Variants in CFAP61 observed in about 807,000 individuals in gnomAD.
CFAP61 encodes the protein cilia and flagella associated protein 61, also known as cilia- and flagella-associated protein 61.
In CFAP61, 107 loss-of-function variants were observed where a neutral mutation model predicts 135.6. That is an observed-to-expected ratio of 0.79 (90% CI 0.67 to 0.93). The LOEUF is 0.93. Among genes scored for constraint, CFAP61 ranks in the 40% least tolerant of loss-of-function variants. CFAP61 has a pLI of 0.00. For synonymous variants in CFAP61, 575 were observed against 578.5 expected (o/e 0.99, Z 0.09); for missense variants, 1,507 against 1,556.2 (o/e 0.97, Z 0.53).
chr20:20,099,579 G>T (rs11317332), intron 8 of CFAP61, among the ~76,000 whole-genome samples: 80 of 26,980 alleles, frequency 3.0e-3, no homozygotes, highest in African/African-American at 0.02. Context: ...CCTCCCACAC[G>T]GGGGGGGGGT....
rs1461125418 is a variant in CFAP61 at position 20,187,981 on chromosome 20, T to C, written c.1437T>C (p.Asn479=). Residue 479 remains asparagine (N), a synonymous_variant, in exon 14 of 27, where the codon AAT becomes AAC. Transcript: ENST00000245957. The part of the protein sequence containing the change: ...ATLLDTPGVE[N]LVSTLMLNKS... Reference sequence around the variant, plus strand: ...TCTTGGATACTCCTGGTGTGGAAAATCTTGTCAGCACCCTCATGTTGAATA... The same window carrying C: ...TCTTGGATACTCCTGGTGTGGAAAACCTTGTCAGCACCCTCATGTTGAATA... 6.2e-7 allele frequency: 1 copy of C among 1,613,812 alleles called. No homozygotes were observed. Among genetic ancestry groups the C allele is most frequent in the African/African-American group, 1.3e-5 (1 of 75,018 alleles).
chr20:20,168,792 C>T (rs2054012935), intron 12 of CFAP61, among the ~76,000 whole-genome samples: 1 of 152,180 alleles, frequency 6.6e-6, no homozygotes, highest in Non-Finnish European at 1.5e-5. Flanking sequence ...TGGGTTTAAT[C>T]ATGCTCATGG....
intron 17 of CFAP61, chr20:20,214,381 G>C (rs2047888357): frequency 6.6e-6 from 1 of 152,158 alleles, no homozygotes; most frequent in Non-Finnish European, 1.5e-5. Flanking sequence ...TCCTCACCCT[G>C]CAAACAGAAA....
At chr20:20,243,082 A>G (rs992416467) in intron 18 of CFAP61, among the ~76,000 whole-genome samples, 1 of 152,210 alleles carries the variant, frequency 6.6e-6, no homozygotes, top group Non-Finnish European at 1.5e-5. Context: ...ACAGTTCCAC[A>G]TGGCTGGGGA....
chr20:20,191,357 C>T lies in CFAP61; in HGVS notation c.1528C>T (p.Gln510Ter). Residue 510 changes from glutamine (Q) to a stop codon, truncating the protein, a stop_gained, in exon 15 of 27, where the codon CAG becomes TAG. Coordinates refer to ENST00000245957, the MANE Select transcript of CFAP61 (RefSeq NM_015585.4). LOFTEE classifies it high-confidence loss of function. ...ARKDPDGTLL[Q>*]AFVAEVAEQI... is the part of the protein sequence containing the mutation. ...ATCTTTTCAGGATGGAACACTGCTGCAGGCATTTGTAGCTGAAGTTGCAGA... is the reference window on the plus strand; with the variant it reads ...ATCTTTTCAGGATGGAACACTGCTGTAGGCATTTGTAGCTGAAGTTGCAGA... 6.2e-7 allele frequency: 1 copy of T among 1,613,054 alleles called. No individual in the cohort carries two copies. The highest frequency in any genetic ancestry group is 8.5e-7 in the Non-Finnish European group (1 of 1,179,298).
intron 17 of CFAP61, among the ~76,000 whole-genome samples, chr20:20,220,681 A>G (rs910570298): frequency 6.6e-6 from 1 of 152,186 alleles, no homozygotes; most frequent in Admixed American, 6.5e-5. Flanking sequence ...GAGAATGTAA[A>G]AGAAGTAAGG....
chr20:20,268,066 C>A (rs184541381), intron 21 of CFAP61, among the ~76,000 whole-genome samples: 1 of 152,348 alleles, frequency 6.6e-6, no homozygotes, highest in Admixed American at 6.5e-5. Context: ...CTGGACATTT[C>A]AGTCCTTGCT....
intron 22 of CFAP61, among the ~76,000 whole-genome samples, chr20:20,278,627 G>A (rs1050478591): frequency 6.6e-6 from 1 of 152,172 alleles, no homozygotes; most frequent in Non-Finnish European, 1.5e-5. Flanking sequence ...CCTTACCTAG[G>A]AGTGGGGGGT....
rs546224331 is a variant in CFAP61, at chr20:20,317,933, C to T, written c.3422+19547C>T. 2.0e-5 allele frequency among the ~76,000 whole-genome samples: 3 copies of T among 152,322 alleles called. No individual in the cohort carries two copies. The South Asian group carries it at 6.2e-4, about 32-fold the overall frequency. On this transcript the variant is annotated intron_variant, in intron 25 of 26. Coordinates refer to ENST00000245957, the MANE Select transcript of CFAP61 (RefSeq NM_015585.4). Reference sequence around the variant, plus strand: ...ATTAGTTCCCAGCCACTAGCAGCCCCAGCTGACAAACGGCGCCTGCAAGCT... The same window carrying T: ...ATTAGTTCCCAGCCACTAGCAGCCCTAGCTGACAAACGGCGCCTGCAAGCT...
At chr20:20,105,833 G>T (rs1369517949) in intron 8 of CFAP61, among the ~76,000 whole-genome samples, 2 of 148,868 alleles carry the variant, frequency 1.3e-5, no homozygotes, top group African/African-American at 2.5e-5. Context: ...TAGAGATGGG[G>T]TTTCACTGTG....
chr20:20,263,817 C>T (rs567812297), intron 21 of CFAP61, among the ~76,000 whole-genome samples: 34 of 152,200 alleles, frequency 2.2e-4, no homozygotes, highest in African/African-American at 7.9e-4. Flanking sequence ...AGAGCAGCCC[C>T]TTTCTTTTGC....
intron 26 of CFAP61, among the ~76,000 whole-genome samples, chr20:20,345,862 T>C (rs1045566656): frequency 1.3e-5 from 2 of 150,318 alleles, no homozygotes; most frequent in Non-Finnish European, 3.0e-5. Flanking sequence ...GCAGAGGTTG[T>C]ATTTAGCTGA....
chr20:20,093,488 G>A (rs1352976488), intron 7 of CFAP61, among the ~76,000 whole-genome samples: 2 of 148,520 alleles, frequency 1.3e-5, no homozygotes, highest in African/African-American at 5.0e-5. Context: ...AGGCTGGAGT[G>A]CAGTGATGTG....
At chr20:20,088,732 G>T (rs1266580850) in intron 6 of CFAP61, among the ~76,000 whole-genome samples, 2 of 152,136 alleles carry the variant, frequency 1.3e-5, no homozygotes, top group Non-Finnish European at 1.5e-5. Context: ...GTCATCTTCT[G>T]TGTGTGTTTT....
intron 26 of CFAP61, among the ~76,000 whole-genome samples, chr20:20,352,095 A>T (rs2058855769): frequency 6.6e-6 from 1 of 152,226 alleles, no homozygotes; most frequent in South Asian, 2.1e-4. Context: ...AAGAGGTTTA[A>T]TTGACTCACA....
intron 13 of CFAP61, among the ~76,000 whole-genome samples, chr20:20,187,257 T>C (rs1014317488): frequency 1.4e-4 from 21 of 152,058 alleles, no homozygotes; most frequent in African/African-American, 5.1e-4. Flanking sequence ...AAGCAACCAA[T>C]GTCGCTCCTG....
Position 20,360,236 on chromosome 20 carries a change from G to A in CFAP61, c.3540G>A (p.Gln1180=), listed in dbSNP as rs754925366. The change falls in exon 27 of 27, where the codon CAG becomes CAA. Residue 1180 remains glutamine (Q), a synonymous_variant. Coordinates refer to ENST00000245957, the MANE Select transcript of CFAP61 (RefSeq NM_015585.4). ...KEEEDLPSIE[Q]LAHQIEDEEI... The stretch of plus-strand genomic sequence containing the variant: ...AGGAAGATCTTCCTTCCATAGAGCA[G>A]TTAGCCCATCAAATAGAAGATGAGG... 1 of 1,613,892 alleles carries A rather than the reference G, an allele frequency of 6.2e-7. No individual in the cohort carries two copies. Among genetic ancestry groups the A allele is most frequent in the East Asian group, 2.2e-5 (1 of 44,886 alleles).
chr20:20,062,660 A>G (rs560071860), intron 2 of CFAP61, among the ~76,000 whole-genome samples: 18 of 152,354 alleles, frequency 1.2e-4, no homozygotes, highest in African/African-American at 4.3e-4. Context: ...TGAAAAGGAC[A>G]TAATCACAAA....
chr20:20,273,211 G>A (rs1374448846), intron 21 of CFAP61, among the ~76,000 whole-genome samples: 3 of 152,004 alleles, frequency 2.0e-5, no homozygotes, highest in East Asian at 1.9e-4. Flanking sequence ...CATTAAAGAC[G>A]TAATTTCTTG....
Sources: allele counts gnomAD v4.1 joint callset (sites outside exome capture counted in the v4.1 genomes callset), GRCh38; gene constraint gnomAD v4.1.1; transcripts MANE v1.5; gene names NCBI Gene and HGNC (gene_info 2026-07-23, HGNC 2026-07-21).